Variants in GFPT1 observed in about 807,000 individuals in gnomAD.
GFPT1 encodes glutamine--fructose-6-phosphate aminotransferase [isomerizing] 1.
GFPT1 carries 40 observed loss-of-function variants against 92.0 expected under a neutral mutation model. That is an observed-to-expected ratio of 0.43 (90% CI 0.34 to 0.57). The LOEUF is 0.57. GFPT1 is among the 20% of genes least tolerant of loss of function. The pLI is 0.02. For missense variants in GFPT1, 448 were observed against 869.1 expected (o/e 0.52, Z 6.09); for synonymous variants, 269 against 280.6 (o/e 0.96, Z 0.41).
At chr2:69,372,778 AT>A (rs1671782591) in intron 2 of GFPT1, among the ~76,000 whole-genome samples, 1 of 152,180 alleles carries the variant, frequency 6.6e-6, no homozygotes, top group Non-Finnish European at 1.5e-5. Context: ...AGGAAGACAA[AT>A]GTCCATTCCA....
At chr2:69,360,847 G>A (rs1360541731) in intron 4 of GFPT1, among the ~76,000 whole-genome samples, 1 of 152,054 alleles carries the variant, frequency 6.6e-6, no homozygotes, top group East Asian at 1.9e-4. Flanking sequence ...CGATTCTCCT[G>A]GCTCAGCCTC....
intron 15 of GFPT1, among the ~76,000 whole-genome samples, chr2:69,335,116 C>T (rs1340612236): frequency 2.0e-5 from 3 of 152,028 alleles, no homozygotes; most frequent in African/African-American, 4.8e-5. Context: ...AAGGGATCCT[C>T]GTGCCTCAGC....
chr2:69,332,313 CTTT>C (rs1257559725), intron 15 of GFPT1, among the ~76,000 whole-genome samples: 4 of 134,376 alleles, frequency 3.0e-5, no homozygotes, highest in Admixed American at 7.5e-5. Flanking sequence ...CTTTTCTTTT[CTTT>C]TTTTTTTTTT....
intron 2 of GFPT1, among the ~76,000 whole-genome samples, chr2:69,370,423 T>A (rs1574081133): frequency 6.6e-6 from 1 of 152,256 alleles, no homozygotes; most frequent in Non-Finnish European, 1.5e-5. Context: ...AATGGAGAAA[T>A]GCAAAAGATG....
chr2:69,368,494 G>A (rs942389457), intron 3 of GFPT1, among the ~76,000 whole-genome samples: 21 of 151,890 alleles, frequency 1.4e-4, no homozygotes, highest in African/African-American at 4.6e-4. Flanking sequence ...TTGAGAGGCC[G>A]AGGCAGGCGA....
chr2:69,348,465 T>C, intron 10 of GFPT1, 131 bp from the exon 11 acceptor site: 1 of 781,584 alleles, frequency 1.3e-6, no homozygotes, highest in Non-Finnish European at 2.2e-6. Flanking sequence ...GAGAATTTTC[T>C]GGTTACTAAT....
At chr2:69,375,229 A>C (rs1204215588) in intron 1 of GFPT1, among the ~76,000 whole-genome samples, 2 of 148,742 alleles carry the variant, frequency 1.3e-5, no homozygotes, top group Non-Finnish European at 3.0e-5. Flanking sequence ...ATATACAAAA[A>C]TACAAGTTCA....
At chr2:69,348,125 T>G in intron 11 of GFPT1, 46 bp downstream of exon 11, 1 of 1,414,276 alleles carries the variant, frequency 7.1e-7, no homozygotes, top group Middle Eastern at 1.7e-4. Context: ...TAGAATATAT[T>G]CTTTCCAGTA....
chr2:69,377,308 C>T (rs1197277324), intron 1 of GFPT1, among the ~76,000 whole-genome samples: 1 of 150,692 alleles, frequency 6.6e-6, no homozygotes, highest in Non-Finnish European at 1.5e-5. Flanking sequence ...ATACTTCTAA[C>T]TCCAATCTCC....
chr2:69,384,720 GAAAGAAAGA>G (rs1297241612), intron 1 of GFPT1, among the ~76,000 whole-genome samples: 13 of 112,488 alleles, frequency 1.2e-4, no homozygotes, highest in African/African-American at 3.3e-4. Flanking sequence ...AAAGAAAAAA[GAAAGAAAGA>G]AAAGAAAGAA....
chr2:69,356,705 C>A, intron 6 of GFPT1, 148 bp from the exon 7 acceptor site: 1 of 686,526 alleles, frequency 1.5e-6, no homozygotes, highest in Admixed American at 2.2e-5. Flanking sequence ...TTTAAGTAAA[C>A]ACTTACTCCT....
Position 69,328,433 on chromosome 2 carries a change from G to A in GFPT1, c.1731C>T (p.Ile577=). 6.2e-7 allele frequency: 1 copy of A among 1,609,506 alleles called. No individual in the cohort carries two copies. Among genetic ancestry groups the A allele is most frequent in the Non-Finnish European group, 8.5e-7 (1 of 1,175,910 alleles). ...YATCLEGALK[I]KEITYMHSEG... ...CAGAGTGCATATAAGTAATTTCTTT[G>A]ATTTTCTAATAGGAAAGAACCAGAT... The change falls in exon 18 of 20, where the codon ATC becomes ATT. Residue 577 remains isoleucine, a synonymous_variant. Coordinates refer to ENST00000357308, the MANE Select transcript of GFPT1 (RefSeq NM_001244710.2).
At chr2:69,367,182 TTA>T (rs1416415638) in intron 3 of GFPT1, among the ~76,000 whole-genome samples, 1 of 152,246 alleles carries the variant, frequency 6.6e-6, no homozygotes, top group Non-Finnish European at 1.5e-5. Flanking sequence ...TAAACTATGA[TTA>T]TGTTAACATG....
At chr2:69,337,060 AT>A (rs376497924) in intron 15 of GFPT1, among the ~76,000 whole-genome samples, 53,272 of 118,536 alleles carry the variant, frequency 0.45, 12,109 homozygotes, top group African/African-American at 0.63. Context: ...CAAATTTTAA[AT>A]TTTTTTTTTT....
At chr2:69,378,208 G>A (rs1671925592) in intron 1 of GFPT1, among the ~76,000 whole-genome samples, 1 of 152,140 alleles carries the variant, frequency 6.6e-6, no homozygotes, top group African/African-American at 2.4e-5. Context: ...GTTTCGCCAT[G>A]TTGGCTAGGC....
chr2:69,338,336 A>C, intron 14 of GFPT1, 109 bp downstream of exon 14: 1 of 912,730 alleles, frequency 1.1e-6, no homozygotes, highest in South Asian at 1.4e-5. Flanking sequence ...GTATTCGTCA[A>C]GTCATCTGCA....
At chr2:69,365,061 T>C (rs1312808041) in intron 3 of GFPT1, among the ~76,000 whole-genome samples, 1 of 150,764 alleles carries the variant, frequency 6.6e-6, no homozygotes, top group Admixed American at 6.6e-5. Context: ...CTATCTTTTC[T>C]TGGGGTTTCT....
At chr2:69,380,590 C>T (rs1167891841) in intron 1 of GFPT1, among the ~76,000 whole-genome samples, 1 of 152,174 alleles carries the variant, frequency 6.6e-6, no homozygotes, top group East Asian at 1.9e-4. Context: ...CCTATGTCAT[C>T]ATCTTTCTTG....
chr2:69,387,092 C>G lies in GFPT1; in HGVS notation c.-21G>C. The G allele has an allele frequency of 6.5e-7, 1 of 1,536,192 alleles. No homozygotes were observed. Among genetic ancestry groups the G allele is most frequent in the African/African-American group, 1.4e-5 (1 of 71,808 alleles). ...CACATGATGCCGGAGACACGGCCCG[C>G]GAGGCCAGGGGCGAGTGGCTGGCGG... On this transcript the variant is annotated 5_prime_UTR_variant, in exon 1 of 20. Coordinates refer to ENST00000357308, the MANE Select transcript of GFPT1 (RefSeq NM_001244710.2).
Sources: gnomAD v4.1 joint callset for allele counts (sites outside exome capture counted in the v4.1 genomes callset) on GRCh38, gnomAD v4.1.1 for gene constraint, MANE v1.5 for transcripts, NCBI Gene and HGNC (gene_info 2026-07-23, HGNC 2026-07-21) for gene names.